The following GAB2 variants were observed in gnomAD, a reference collection of about 807,000 sequenced individuals.
GAB2 encodes GRB2-associated-binding protein 2.
Under a neutral mutation model 65.5 loss-of-function variants are expected in GAB2, and 26 were observed. That is an observed-to-expected ratio of 0.40 (90% confidence interval 0.29 to 0.55). GAB2 has a LOEUF of 0.55. Ranked by LOEUF, GAB2 falls within the 20% of genes least tolerant of loss-of-function variation. GAB2 has a pLI of 0.53. For synonymous variants in GAB2, 321 were observed against 329.6 expected (o/e 0.97, Z 0.28); for missense variants, 884 against 875.8 (o/e 1.01, Z -0.12).
intron 1 of GAB2, among the ~76,000 whole-genome samples, chr11:78,368,038 A>G (rs7940841): frequency 0.3 from 45,409 of 151,334 alleles, 8,571 homozygotes; most frequent in African/African-American, 0.53. Flanking sequence ...AGATGGTCTC[A>G]ATCTCCTGAC....
At chr11:78,392,532 G>A (rs1386318652) in intron 1 of GAB2, 1 of 152,270 alleles carries the variant, frequency 6.6e-6, no homozygotes, top group East Asian at 1.9e-4. Flanking sequence ...TCTTTCTCTT[G>A]ATGCAAGTAC....
intron 3 of GAB2, among the ~76,000 whole-genome samples, chr11:78,244,395 A>G (rs201186148): frequency 9.1e-6 from 1 of 109,556 alleles, no homozygotes; most frequent in Non-Finnish European, 2.1e-5. Flanking sequence ...CTGTCTCAAA[A>G]GAAAGAAAAA....
intron 1 of GAB2, among the ~76,000 whole-genome samples, chr11:78,370,033 G>A (rs991515380): frequency 2.6e-5 from 4 of 151,872 alleles, no homozygotes; most frequent in East Asian, 1.9e-4. Flanking sequence ...CGAGGCGGGC[G>A]GATCACGAGG....
At chr11:78,378,052 C>G (rs562626263) in intron 1 of GAB2, among the ~76,000 whole-genome samples, 2 of 152,172 alleles carry the variant, frequency 1.3e-5, no homozygotes, top group African/African-American at 4.8e-5. Flanking sequence ...GTCTGACTAC[C>G]GTAGTTTCCA....
chr11:78,244,876 A>G (rs934326539), intron 3 of GAB2, among the ~76,000 whole-genome samples: 3 of 152,184 alleles, frequency 2.0e-5, no homozygotes, highest in African/African-American at 7.2e-5. Flanking sequence ...AAACAGTATG[A>G]AAGTTCCTCA....
At chr11:78,234,561 A>G (rs192435288) in intron 3 of GAB2, among the ~76,000 whole-genome samples, 7 of 148,292 alleles carry the variant, frequency 4.7e-5, no homozygotes, top group Admixed American at 1.4e-4. Flanking sequence ...CTATATATTT[A>G]TATACTTTTA....
intron 2 of GAB2, among the ~76,000 whole-genome samples, chr11:78,274,718 C>G (rs1866119325): frequency 6.6e-6 from 1 of 152,098 alleles, no homozygotes; most frequent in South Asian, 2.1e-4. Context: ...TATTCTAGAC[C>G]AAGGACTTTG....
At chr11:78,352,125 A>T (rs917838791) in intron 1 of GAB2, among the ~76,000 whole-genome samples, 1 of 152,190 alleles carries the variant, frequency 6.6e-6, no homozygotes, top group Admixed American at 6.5e-5. Context: ...AGGCAGGAGA[A>T]TCACTTGAAT....
chr11:78,399,055 A>T (rs1215709931), intron 1 of GAB2, among the ~76,000 whole-genome samples: 1 of 152,234 alleles, frequency 6.6e-6, no homozygotes, highest in Non-Finnish European at 1.5e-5. Flanking sequence ...GATCACTTTG[A>T]AGGATCCTAA....
intron 1 of GAB2, among the ~76,000 whole-genome samples, chr11:78,330,608 T>C (rs1217367238): frequency 1.3e-5 from 2 of 152,144 alleles, no homozygotes; most frequent in Non-Finnish European, 2.9e-5. Flanking sequence ...TAGATTTATC[T>C]GGAGAAAAGG....
At chr11:78,249,765 G>C (rs1278248692) in intron 3 of GAB2, among the ~76,000 whole-genome samples, 1 of 152,128 alleles carries the variant, frequency 6.6e-6, no homozygotes, top group Non-Finnish European at 1.5e-5. Flanking sequence ...GAACAGTGCA[G>C]TTCTAGAGCA....
intron 1 of GAB2, among the ~76,000 whole-genome samples, chr11:78,404,246 T>C (rs1456468056): frequency 6.6e-6 from 1 of 152,178 alleles, no homozygotes; most frequent in Non-Finnish European, 1.5e-5. Context: ...ATATACACAA[T>C]GGAATATTAT....
intron 1 of GAB2, among the ~76,000 whole-genome samples, chr11:78,316,729 T>G (rs1855614653): frequency 6.6e-6 from 1 of 152,176 alleles, no homozygotes; most frequent in Non-Finnish European, 1.5e-5. Context: ...AGTAAGGCAA[T>G]TCCTCAAAAA....
At chr11:78,222,991 G>T (rs1190410212) in intron 6 of GAB2, among the ~76,000 whole-genome samples, 1 of 152,160 alleles carries the variant, frequency 6.6e-6, no homozygotes, top group African/African-American at 2.4e-5. Context: ...ATGCCATAAG[G>T]GCTTGAGGGC....
chr11:78,357,824 G>C (rs1023779933), intron 1 of GAB2, among the ~76,000 whole-genome samples: 1 of 152,162 alleles, frequency 6.6e-6, no homozygotes, highest in Admixed American at 6.5e-5. Context: ...TGGAGAAATA[G>C]GAACACTTTT....
intron 1 of GAB2, among the ~76,000 whole-genome samples, chr11:78,325,849 CAG>C (rs1474723009): frequency 1.3e-5 from 2 of 152,114 alleles, no homozygotes; most frequent in African/African-American, 4.8e-5. Context: ...GAAAATTCAC[CAG>C]AGTCTATTCC....
chr11:78,260,189 T>A (rs1024639620), intron 2 of GAB2, among the ~76,000 whole-genome samples: 1 of 152,176 alleles, frequency 6.6e-6, no homozygotes, highest in African/African-American at 2.4e-5. Flanking sequence ...GGACCTATGA[T>A]TCCCCATCCC....
chr11:78,337,522 T>A (rs1410528975), intron 1 of GAB2, among the ~76,000 whole-genome samples: 1 of 152,094 alleles, frequency 6.6e-6, no homozygotes, highest in Non-Finnish European at 1.5e-5. Flanking sequence ...CCCACACCGT[T>A]CTCTTAGAGG....
intron 1 of GAB2, among the ~76,000 whole-genome samples, chr11:78,331,795 CAG>C (rs1855919272): frequency 6.6e-6 from 1 of 152,108 alleles, no homozygotes; most frequent in Non-Finnish European, 1.5e-5. Flanking sequence ...GATTGGAAAA[CAG>C]AGACACAGAT....
Sources: allele counts gnomAD v4.1 joint callset (sites outside exome capture counted in the v4.1 genomes callset), GRCh38; gene constraint gnomAD v4.1.1; transcripts MANE v1.5; gene names NCBI Gene and HGNC (gene_info 2026-07-23, HGNC 2026-07-21).